The following ZNF619 variants were observed in gnomAD, a reference collection of about 807,000 sequenced individuals.
ZNF619 encodes the protein zinc finger protein 619.
A neutral mutation model predicts 14.2 loss-of-function variants in ZNF619; 9 were observed. The ratio of observed to expected loss-of-function variants is 0.64; its 90% CI spans 0.38 to 1.11. The LOEUF (loss-of-function observed/expected upper bound fraction) is 1.11, where lower values mean the gene tolerates loss of function less well. ZNF619 is among the 50% of genes least tolerant of loss of function. ZNF619 has a pLI of 0.01. For missense variants in ZNF619, 659 were observed against 680.1 expected (o/e 0.97, Z 0.34); for synonymous variants, 246 against 252.8 (o/e 0.97, Z 0.26).
intron 2 of ZNF619, among the ~76,000 whole-genome samples, chr3:40,481,158 T>C (rs1697379871): frequency 6.6e-6 from 1 of 152,250 alleles, no homozygotes; most frequent in African/African-American, 2.4e-5. Context: ...CAACCTGTGA[T>C]GGTGTCCTTC....
intron 2 of ZNF619, among the ~76,000 whole-genome samples, chr3:40,480,675 T>C (rs146460541): frequency 1.4e-4 from 21 of 152,118 alleles, no homozygotes; most frequent in African/African-American, 5.1e-4. Flanking sequence ...ATTTTTTGTG[T>C]ATTTTTAGTA....
rs1317449566 is a variant in ZNF619, at chr3:40,487,074, C to T, written c.564C>T (p.Ser188=). ...IARKLEESSV[S]THLITKQGFA... is the part of the protein sequence containing the mutation. ...GGAAATTGGAAGAAAGTAGTGTCAGCACACATCTCATTACAAAGCAGGGTT... is the reference window on the plus strand; with the variant it reads ...GGAAATTGGAAGAAAGTAGTGTCAGTACACATCTCATTACAAAGCAGGGTT... The change falls in exon 5 of 5, where the codon AGC becomes AGT. Residue 188 remains serine (S), a synonymous_variant. Transcript: ENST00000432264. 1 of 1,614,076 alleles carries T rather than the reference C, an allele frequency of 6.2e-7. No homozygotes were observed. The highest frequency in any genetic ancestry group is 8.5e-7 in the Non-Finnish European group (1 of 1,180,044).
rs140391476 is a variant in ZNF619 at position 40,481,053 on chromosome 3, T to C, written c.25-810T>C. 3.3e-5 allele frequency among the ~76,000 whole-genome samples: 5 copies of C among 152,364 alleles called. No homozygotes were observed. In the East Asian group the frequency reaches 5.8e-4, roughly 18 times the overall value. ...TGCTTAATATTGCTCATTCCCATCA[T>C]CTGAAAATGGAAATAATAATTCTTA... is the stretch of plus-strand genomic sequence containing the variant. On this transcript the variant is annotated intron_variant, in intron 2 of 4. Transcript: ENST00000432264.
At position 40,487,233 on chromosome 3, in the gene ZNF619, C is replaced by T; in HGVS notation, c.723C>T (p.Phe241=). The T allele has an allele frequency of 6.2e-7, 1 of 1,614,208 alleles. No individual in the cohort carries two copies. Among genetic ancestry groups the T allele is most frequent in the Non-Finnish European group, 8.5e-7 (1 of 1,180,050 alleles). The change falls in exon 5 of 5, where the codon TTC becomes TTT. Residue 241 remains phenylalanine (F), a synonymous_variant. Coordinates refer to ENST00000432264, the MANE Select transcript of ZNF619 (RefSeq NM_001145093.4). The part of the protein sequence containing the change: ...PYTCKECGKT[F]RYNSKLSRHQ... ...CATGCAAAGAATGTGGGAAAACCTT[C>T]AGATATAACTCAAAACTGTCACGGC...
At position 40,491,037 on chromosome 3, in the gene ZNF619, C is replaced by A. The variant is rs1024879065; in HGVS notation, c.*2796C>A. Among the ~76,000 whole-genome samples, 1 of 152,100 alleles carries A rather than the reference C, an allele frequency of 6.6e-6. No homozygotes were observed. The highest frequency in any genetic ancestry group is 1.5e-5 in the Non-Finnish European group (1 of 68,024). Reference sequence around the variant, plus strand: ...TCGGAACCATGAGCTAAATAAACTTCTTTTCTTTATAAATTACCCAATCTG... The same window carrying A: ...TCGGAACCATGAGCTAAATAAACTTATTTTCTTTATAAATTACCCAATCTG... On this transcript the variant is annotated 3_prime_UTR_variant, in exon 5 of 5. Coordinates refer to ENST00000432264, the MANE Select transcript of ZNF619 (RefSeq NM_001145093.4).
Position 40,488,096 on chromosome 3 carries a change from C to A in ZNF619, c.1586C>A (p.Pro529His), listed in dbSNP as rs1350037725. 3.7e-6 allele frequency: 6 copies of A among 1,614,112 alleles called. No homozygotes were observed. The highest frequency in any genetic ancestry group is 5.1e-6 in the Non-Finnish European group (6 of 1,180,044). Residue 529 changes from proline (P) to histidine (H), a missense_variant, in exon 5 of 5, where the codon CCT becomes CAT. Physicochemically the swap from Pro to His is moderately conservative, Grantham distance 77 (BLOSUM62 -2). Transcript: ENST00000432264. ...PLSSSHAVVL[P>H]PSVPFFLLLP... ...TCTTCTTCACATGCAGTGGTACTTC[C>A]TCCCTCTGTGCCTTTCTTCCTGCTG...
rs772752270 is a variant in ZNF619 at position 40,487,885 on chromosome 3, A to G, written c.1375A>G (p.Lys459Glu). The G allele has an allele frequency of 1.9e-6, 3 of 1,614,202 alleles. No homozygotes were observed. The highest frequency in any genetic ancestry group is 1.7e-6 in the Non-Finnish European group (2 of 1,180,028). The change falls in exon 5 of 5, where the codon AAG becomes GAG. Residue 459 changes from lysine (K) to glutamate (E), a missense_variant. Transcript: ENST00000432264. ...CACTGGGGAGAAACCTTATGAGTGT[A>G]AGGAGTGCGGGAAAGCCTTCAGATG... ...VHTGEKPYEC[K>E]ECGKAFRWNA... is the part of the protein sequence containing the mutation.
chr3:40,478,828 T>A (rs2125633673), intron 2 of ZNF619, among the ~76,000 whole-genome samples: 1 of 151,620 alleles, frequency 6.6e-6, no homozygotes, highest in East Asian at 1.9e-4. Flanking sequence ...GTGTGTCCTT[T>A]TGGTGGATAT....
rs1697246076 is a variant in ZNF619, at chr3:40,477,901, T to C, written c.-62-17T>C. 5 of 1,385,108 alleles carry C rather than the reference T, an allele frequency of 3.6e-6. No homozygotes were observed. The Admixed American group carries it at 5.9e-5, about 16-fold the overall frequency. The allele number at this position is 1,385,108 out of a possible 1,614,324, so 85.8% of individuals were successfully genotyped here. A position where few individuals can be genotyped will look rare whatever the true frequency, so the allele number is the denominator to read the frequency against. ...TAGGAGACGAGACAGATCAGTCTCATTGTGGTTCTCTCTTAGCTCCGCAGG... is the reference window on the plus strand; with the variant it reads ...TAGGAGACGAGACAGATCAGTCTCACTGTGGTTCTCTCTTAGCTCCGCAGG... On this transcript the variant is annotated splice_polypyrimidine_tract_variant and intron_variant, in intron 1 of 4. Transcript: ENST00000432264.
At chr3:40,484,623 C>T (rs879373453) in intron 4 of ZNF619, among the ~76,000 whole-genome samples, 1 of 152,164 alleles carries the variant, frequency 6.6e-6, no homozygotes, top group African/African-American at 2.4e-5. Context: ...TTCCCCTTGC[C>T]ACAGGTGTAC....
intron 2 of ZNF619, among the ~76,000 whole-genome samples, chr3:40,480,406 A>C (rs1173429458): frequency 6.6e-6 from 1 of 152,092 alleles, no homozygotes; most frequent in Admixed American, 6.6e-5. Flanking sequence ...AGATCATGCA[A>C]ATATTCTGCT....
At chr3:40,486,429 T>C (rs1223184896) in intron 4 of ZNF619, among the ~76,000 whole-genome samples, 1 of 152,196 alleles carries the variant, frequency 6.6e-6, no homozygotes, top group Non-Finnish European at 1.5e-5. Context: ...GGCTCACACC[T>C]GTAATCCCAG....
Position 40,482,003 on chromosome 3 carries a change from TGTGAC to T in ZNF619, c.166_170del (p.Val56PhefsTer44). ...AGGTGATGCTGGAGAATTATGCAAATGTGACTTCCTTGTGTAAGTCCTCCTTCCTC... is the reference window on the plus strand; with the variant it reads ...AGGTGATGCTGGAGAATTATGCAAATTTCCTTGTGTAAGTCCTCCTTCCTC... On this transcript the variant is annotated frameshift_variant, in exon 3 of 5. Transcript: ENST00000432264. LOFTEE classifies it high-confidence loss of function. 1 of 1,599,342 alleles carries T rather than the reference TGTGAC, an allele frequency of 6.3e-7. No individual in the cohort carries two copies. The highest frequency in any genetic ancestry group is 1.8e-5 in the Admixed American group (1 of 56,442).
rs141182407 is a variant in ZNF619, at chr3:40,487,175, A to C, written c.665A>C (p.His222Pro). ...YYNPHSDFHL[H>P]QRVHTNEKPY... The stretch of plus-strand genomic sequence containing the variant: ...AACCCACATTCAGACTTTCACCTGC[A>C]TCAGAGAGTTCACACTAATGAGAAG... Residue 222 changes from histidine (H) to proline (P), a missense_variant, in exon 5 of 5, where the codon CAT becomes CCT. His to Pro is a moderately conservative substitution (Grantham distance 77). Transcript: ENST00000432264. 2.5e-6 allele frequency: 4 copies of C among 1,614,096 alleles called. No individual in the cohort carries two copies. Among genetic ancestry groups the C allele is most frequent in the Middle Eastern group, 1.6e-4 (1 of 6,084 alleles).
rs1697615876 is a variant in ZNF619 at position 40,487,108 on chromosome 3, G to A, written c.598G>A (p.Glu200Lys). 9 of 1,614,112 alleles carry A rather than the reference G, an allele frequency of 5.6e-6. No homozygotes were observed. Among genetic ancestry groups the A allele is most frequent in the Non-Finnish European group, 7.6e-6 (9 of 1,180,042 alleles). Residue 200 changes from glutamate (E) to lysine (K), a missense_variant, in exon 5 of 5, where the codon GAA becomes AAA. Coordinates refer to ENST00000432264, the MANE Select transcript of ZNF619 (RefSeq NM_001145093.4). ...HLITKQGFAK[E>K]QVFYKCGECG... The stretch of plus-strand genomic sequence containing the variant: ...CATTACAAAGCAGGGTTTTGCCAAA[G>A]AACAGGTGTTTTATAAATGTGGTGA...
chr3:40,484,071 G>A (rs573786991), intron 4 of ZNF619, among the ~76,000 whole-genome samples: 2 of 151,692 alleles, frequency 1.3e-5, no homozygotes, highest in South Asian at 2.1e-4. Flanking sequence ...GATTACAGGC[G>A]CCCGCCACCA....
Position 40,477,941 on chromosome 3 carries a change from A to C in ZNF619, c.-39A>C. The C allele has an allele frequency of 6.4e-7, 1 of 1,552,988 alleles. No individual in the cohort carries two copies. The highest frequency in any genetic ancestry group is 8.7e-7 in the Non-Finnish European group (1 of 1,147,468). On this transcript the variant is annotated 5_prime_UTR_variant, in exon 2 of 5. Transcript: ENST00000432264. ...AGCTCCGCAGGTTCTTACTTTTTCA[A>C]ACCTAGAGGGCAGTGCATGAAGCCA... is the stretch of plus-strand genomic sequence containing the variant.
intron 4 of ZNF619, among the ~76,000 whole-genome samples, chr3:40,485,584 T>A (rs1442207548): frequency 6.6e-6 from 1 of 152,178 alleles, no homozygotes; most frequent in East Asian, 1.9e-4. Context: ...ATTACAGGCA[T>A]GAGCCACTGT....
At position 40,487,548 on chromosome 3, in the gene ZNF619, T is replaced by G. The variant is rs1469116989; in HGVS notation, c.1038T>G (p.Cys346Trp). Residue 346 changes from cysteine to tryptophan, a missense_variant, in exon 5 of 5, where the codon TGT becomes TGG. Cys to Trp is a radical substitution (Grantham distance 215, BLOSUM62 -2). Coordinates refer to ENST00000432264, the MANE Select transcript of ZNF619 (RefSeq NM_001145093.4). ...RIHNGEKPYE[C>W]KECGKSLSSN... ...ACAATGGGGAGAAGCCCTATGAATG[T>G]AAGGAGTGTGGGAAGAGTTTGAGTT... The G allele has an allele frequency of 1.7e-5, 28 of 1,613,890 alleles. No homozygotes were observed. Among genetic ancestry groups the G allele is most frequent in the Non-Finnish European group, 2.1e-5 (25 of 1,179,954 alleles).
Sources: gnomAD v4.1 joint callset for allele counts (sites outside exome capture counted in the v4.1 genomes callset) on GRCh38, gnomAD v4.1.1 for gene constraint, MANE v1.5 for transcripts, NCBI Gene and HGNC (gene_info 2026-07-23, HGNC 2026-07-21) for gene names.